DSCAML1: variants seen among roughly 807,000 people sequenced by gnomAD.
DSCAML1 encodes cell adhesion molecule DSCAML1.
Under a neutral mutation model 200.5 loss-of-function variants are expected in DSCAML1, and 38 were observed. The ratio of observed to expected loss-of-function variants is 0.19; its 90% CI spans 0.15 to 0.25. DSCAML1 has a LOEUF of 0.25. Among genes scored for constraint, DSCAML1 ranks in the 10% least tolerant of loss-of-function variants. DSCAML1 has a pLI of 1.00. For missense variants in DSCAML1, 2,223 were observed against 2,858.8 expected, an observed-to-expected ratio of 0.78 and a Z score of 5.07; for synonymous variants, 1,215 against 1,165.0, an observed-to-expected ratio of 1.04 and a Z score of -0.87.
chr11:117,617,446 C>A (rs774363980), intron 3 of DSCAML1, among the ~76,000 whole-genome samples: 4 of 151,910 alleles, frequency 2.6e-5, no homozygotes, highest in Admixed American at 6.6e-5. Context: ...CTGACTCGGT[C>A]TCTCAAACTG....
intron 3 of DSCAML1, among the ~76,000 whole-genome samples, chr11:117,578,989 A>T (rs1345405322): frequency 6.6e-6 from 1 of 152,184 alleles, no homozygotes; most frequent in Non-Finnish European, 1.5e-5. Context: ...TCATCCAAAA[A>T]TACAGCAGTT....
At chr11:117,432,772 TA>T (rs138937147) in intron 29 of DSCAML1, among the ~76,000 whole-genome samples, 2 of 124,876 alleles carry the variant, frequency 1.6e-5, no homozygotes, top group East Asian at 4.6e-4. Context: ...CATGCCTGGC[TA>T]TTTTTTTTTT....
rs930323526 is a variant in DSCAML1 at position 117,449,868 on chromosome 11, G to A, written c.3708+681C>T. Among the ~76,000 whole-genome samples the A allele has an allele frequency of 2.6e-5, 4 of 152,136 alleles. No homozygotes were observed. In the East Asian group the frequency reaches 7.7e-4, roughly 29 times the overall value. On this transcript the variant is annotated intron_variant, in intron 20 of 32. Transcript: ENST00000651296. ...GGGAAAATACATATGATGGGATATAGGTGCATATCCCACTGCACCCATCCC... is the reference window on the plus strand; with the variant it reads ...GGGAAAATACATATGATGGGATATAAGTGCATATCCCACTGCACCCATCCC...
At chr11:117,800,404 A>G (rs2055646646), upstream of DSCAML1, among the ~76,000 whole-genome samples, 4 of 152,250 alleles carry the variant, frequency 2.6e-5, no homozygotes, top group South Asian at 8.3e-4. Context: ...CTTCACACCC[A>G]CACACAAATA....
intron 3 of DSCAML1, among the ~76,000 whole-genome samples, chr11:117,695,697 A>G (rs1392617808): frequency 6.6e-6 from 1 of 152,174 alleles, no homozygotes; most frequent in Non-Finnish European, 1.5e-5. Context: ...GCACTCCAAG[A>G]AGCGGCATTG....
intron 11 of DSCAML1, among the ~76,000 whole-genome samples, chr11:117,483,839 G>A (rs1338161966): frequency 1.3e-5 from 2 of 152,126 alleles, no homozygotes. Flanking sequence ...GAGCCATCCT[G>A]GAGTATATAA....
In DSCAML1 at chr11:117,428,398, C is replaced by T; in HGVS notation, c.6092G>A (p.Ser2031Asn). 1 of 1,579,004 alleles carries T rather than the reference C, an allele frequency of 6.3e-7. No individual in the cohort carries two copies. The highest frequency in any genetic ancestry group is 1.2e-5 in the South Asian group (1 of 86,218). ...GGSRDSLLEM[S>N]TSGVGRSQKQ... ...CTGAGACCTCCCTACCCCCGATGTGCTCATCTCGAGAAGCGAGTCCCTGGA... is the reference window on the plus strand; with the variant it reads ...CTGAGACCTCCCTACCCCCGATGTGTTCATCTCGAGAAGCGAGTCCCTGGA... Residue 2031 changes from serine to asparagine, a missense_variant, in exon 33 of 33, where the codon AGC becomes AAC. By Grantham distance (46) the Ser-to-Asn change is conservative. Around this residue, in one of 7 missense-constraint regions of DSCAML1, gnomAD observed 280 missense variants for 213.4 expected, o/e 1.31. Coordinates refer to ENST00000651296, the MANE Select transcript of DSCAML1 (RefSeq NM_020693.4).
chr11:117,560,107 A>AG (rs975018227), intron 3 of DSCAML1, among the ~76,000 whole-genome samples: 1 of 151,794 alleles, frequency 6.6e-6, no homozygotes, highest in Non-Finnish European at 1.5e-5. Flanking sequence ...CTTGAAAGAA[A>AG]GGGGGGGCCA....
At chr11:117,687,697 A>T (rs2053427145) in intron 3 of DSCAML1, among the ~76,000 whole-genome samples, 1 of 152,164 alleles carries the variant, frequency 6.6e-6, no homozygotes, top group Non-Finnish European at 1.5e-5. Flanking sequence ...TAATATTAGC[A>T]TTCTGTTTGA....
At chr11:117,483,867 T>C (rs10892123) in intron 11 of DSCAML1, among the ~76,000 whole-genome samples, 23,463 of 152,070 alleles carry the variant, frequency 0.15, 2,082 homozygotes, top group Admixed American at 0.26. Context: ...GGGGCTGTCA[T>C]TGGCTGCAAG....
chr11:117,636,297 G>A (rs1358906888), intron 3 of DSCAML1, among the ~76,000 whole-genome samples: 2 of 152,182 alleles, frequency 1.3e-5, no homozygotes, highest in South Asian at 4.1e-4. Context: ...TCCTTTTTAA[G>A]AGTGGAGCGG....
intron 3 of DSCAML1, among the ~76,000 whole-genome samples, chr11:117,650,700 T>TGCGC (rs1555194702): frequency 0.013 from 1,931 of 147,402 alleles, 17 homozygotes; most frequent in Non-Finnish European, 0.02. Context: ...TGTGTGTGTG[T>TGCGC]GCGTGTGTGT....
At chr11:117,782,541 G>A (rs1431913919) in intron 1 of DSCAML1, among the ~76,000 whole-genome samples, 2 of 152,156 alleles carry the variant, frequency 1.3e-5, no homozygotes, top group African/African-American at 2.4e-5. Flanking sequence ...TGCTCTGCAC[G>A]GGACCCTCAG....
intron 11 of DSCAML1, among the ~76,000 whole-genome samples, chr11:117,493,829 G>A (rs1030203332): frequency 3.9e-5 from 6 of 152,012 alleles, no homozygotes; most frequent in South Asian, 2.1e-4. Flanking sequence ...GATTTCGCCC[G>A]ATTGCCCAGG....
At position 117,538,666 on chromosome 11, in the gene DSCAML1, G is replaced by GATA. The variant is rs536540414; in HGVS notation, c.512-6147_512-6145dup. ...CCTGGAGCTGCAGGAGCCATGGAGA[G>GATA]ATAATTGATAGAAACCTCTGGGTTT... On this transcript the variant is annotated intron_variant, in intron 3 of 32. Coordinates refer to ENST00000651296, the MANE Select transcript of DSCAML1 (RefSeq NM_020693.4). Among the ~76,000 whole-genome samples, 15 of 152,308 alleles carry GATA rather than the reference G, an allele frequency of 9.8e-5. No homozygotes were observed. In the South Asian group the frequency reaches 3.1e-3, roughly 32 times the overall value.
intron 3 of DSCAML1, among the ~76,000 whole-genome samples, chr11:117,615,579 T>C (rs1235025802): frequency 6.6e-6 from 1 of 152,052 alleles, no homozygotes; most frequent in Non-Finnish European, 1.5e-5. Flanking sequence ...GGCAGGTCTC[T>C]CACCCCCCAG....
chr11:117,734,713 C>G (rs930846528), intron 3 of DSCAML1, among the ~76,000 whole-genome samples: 1 of 152,166 alleles, frequency 6.6e-6, no homozygotes, highest in Non-Finnish European at 1.5e-5. Context: ...CTGTTTTGTT[C>G]CCCAGCCATA....
chr11:117,806,949 TTG>T (rs1324110866), intron 1 of DSCAML1, among the ~76,000 whole-genome samples: 13 of 152,382 alleles, frequency 8.5e-5, no homozygotes, highest in African/African-American at 2.9e-4. Context: ...AGCAAATTTC[TTG>T]TGTTACATAA....
At chr11:117,784,114 A>AAGG (rs2055309885) in intron 1 of DSCAML1, among the ~76,000 whole-genome samples, 1 of 152,170 alleles carries the variant, frequency 6.6e-6, no homozygotes, top group South Asian at 2.1e-4. Context: ...TTTATAGCAA[A>AAGG]AGGCAAGAAG....
Sources: allele counts gnomAD v4.1 joint callset (sites outside exome capture counted in the v4.1 genomes callset), GRCh38; gene constraint gnomAD v4.1.1; regional missense constraint gnomAD v4.1.1; transcripts MANE v1.5; gene names NCBI Gene and HGNC (gene_info 2026-07-23, HGNC 2026-07-21).